Variants in KALRN observed in about 807,000 individuals in gnomAD.
KALRN encodes the protein kalirin RhoGEF kinase.
KALRN carries 70 observed loss-of-function variants against 353.7 expected under a neutral mutation model. The ratio of observed to expected loss-of-function variants is 0.20; its 90% CI spans 0.16 to 0.24. KALRN has a LOEUF of 0.24. Among genes scored for constraint, KALRN ranks in the 10% least tolerant of loss-of-function variants. The pLI is 1.00. For missense variants in KALRN, 2,791 were observed against 3,756.7 expected (o/e 0.74, Z 6.72); for synonymous variants, 1,391 against 1,434.8 (o/e 0.97, Z 0.69).
At chr3:124,674,794 G>A (rs2086964966) in intron 49 of KALRN, 180 bp downstream of exon 49, 1 of 508,560 alleles carries the variant, frequency 2.0e-6, no homozygotes, top group African/African-American at 2.0e-5. Flanking sequence ...ATCCGGGCTG[G>A]AGTGATCCAG....
intron 1 of KALRN, among the ~76,000 whole-genome samples, chr3:124,092,481 GC>G (rs2061175129): frequency 6.6e-6 from 1 of 152,208 alleles, no homozygotes; most frequent in Non-Finnish European, 1.5e-5. Flanking sequence ...AAGATGAAAA[GC>G]CCTTAGTTAA....
rs2063347588 is a variant in KALRN at position 124,721,120 on chromosome 3, T to C, written c.*1650T>C. 6.6e-6 allele frequency: 1 copy of C among 152,168 alleles called. No homozygotes were observed. The highest frequency in any genetic ancestry group is 1.5e-5 in the Non-Finnish European group (1 of 68,026). 9.4% of individuals were successfully genotyped at this position (152,168 alleles called of 1,614,324 possible). ...AAATGGTGGAAACTAAGCCTGAACTTTAACATATAAAAAACACTTATTCCC... is the reference window on the plus strand; with the variant it reads ...AAATGGTGGAAACTAAGCCTGAACTCTAACATATAAAAAACACTTATTCCC... On this transcript the variant is annotated 3_prime_UTR_variant, in exon 60 of 60. Transcript: ENST00000682506.
intron 29 of KALRN, chr3:124,488,694 C>T (rs1436788130): frequency 5.8e-6 from 1 of 172,212 alleles, no homozygotes; most frequent in African/African-American, 2.4e-5. Flanking sequence ...AGCCTGATCA[C>T]ATAAACACAC....
chr3:124,449,400 T>A lies in KALRN; in HGVS notation c.3552+2515T>A, dbSNP rs79543846. Among the ~76,000 whole-genome samples, 920 of 152,322 alleles carry A rather than the reference T, an allele frequency of 6.0e-3. 13 individuals carry two copies. In the East Asian group the frequency reaches 0.072, roughly 12 times the overall value. On this transcript the variant is annotated intron_variant, in intron 21 of 59. Coordinates refer to ENST00000682506, the MANE Select transcript of KALRN (RefSeq NM_001388419.1). The stretch of plus-strand genomic sequence containing the variant: ...AAAAAGGAAAACATCATTTTCATGT[T>A]GTGGTAGGCCTATAGACAGTCCATT...
chr3:124,213,024 A>T (rs370771046), intron 1 of KALRN, among the ~76,000 whole-genome samples: 1 of 152,000 alleles, frequency 6.6e-6, no homozygotes, highest in Non-Finnish European at 1.5e-5. Context: ...AATTTTGTTT[A>T]TAATCTGACA....
intron 51 of KALRN, among the ~76,000 whole-genome samples, chr3:124,683,165 G>T (rs1044890291): frequency 6.6e-6 from 1 of 152,076 alleles, no homozygotes; most frequent in African/African-American, 2.4e-5. Flanking sequence ...CAAACACAAG[G>T]GTACCTTAGG....
intron 3 of KALRN, 99 bp from the exon 4 acceptor site, chr3:124,264,399 C>A (rs2073262153): frequency 1.1e-6 from 1 of 940,820 alleles, no homozygotes; most frequent in Non-Finnish European, 1.6e-6. Context: ...AAGAGTGATT[C>A]TGGTCAAGGG....
chr3:124,139,029 G>A (rs938698929), intron 1 of KALRN, among the ~76,000 whole-genome samples: 1 of 152,192 alleles, frequency 6.6e-6, no homozygotes, highest in Non-Finnish European at 1.5e-5. Context: ...GGACCGGGGA[G>A]CATATGGGAG....
intron 6 of KALRN, among the ~76,000 whole-genome samples, chr3:124,307,550 A>T (rs2077824140): frequency 7.5e-6 from 1 of 133,910 alleles, no homozygotes; most frequent in South Asian, 2.9e-4. Context: ...GAATTAAGTT[A>T]ATGTACAGTA....
chr3:124,163,769 C>T (rs1024255439), intron 1 of KALRN: 7 of 985,016 alleles, frequency 7.1e-6, no homozygotes, highest in Non-Finnish European at 8.4e-6. Context: ...CTTCCAAGTT[C>T]TCTCCTTCTC....
chr3:124,686,328 G>A (rs748103635), intron 51 of KALRN, among the ~76,000 whole-genome samples: 7 of 152,134 alleles, frequency 4.6e-5, no homozygotes, highest in African/African-American at 1.2e-4. Context: ...GGTACTATTC[G>A]CGTTATTCCC....
chr3:124,443,544 C>A (rs1053614351), intron 19 of KALRN, among the ~76,000 whole-genome samples: 2 of 152,144 alleles, frequency 1.3e-5, no homozygotes, highest in Non-Finnish European at 2.9e-5. Context: ...GGTCAGGGGA[C>A]CTGTGGGGAG....
intron 1 of KALRN, among the ~76,000 whole-genome samples, chr3:124,100,826 C>T (rs1477467529): frequency 2.0e-5 from 3 of 152,176 alleles, no homozygotes; most frequent in African/African-American, 7.2e-5. Flanking sequence ...CCCCCACTTC[C>T]ACCTCCAGCC....
chr3:124,510,308 A>G (rs1331295960), intron 33 of KALRN, among the ~76,000 whole-genome samples: 2 of 152,180 alleles, frequency 1.3e-5, no homozygotes, highest in African/African-American at 2.4e-5. Context: ...TTCCAAATGG[A>G]TCAAACAGCA....
chr3:124,238,802 C>T (rs1004274321), intron 3 of KALRN, among the ~76,000 whole-genome samples: 1 of 152,170 alleles, frequency 6.6e-6, no homozygotes, highest in African/African-American at 2.4e-5. Flanking sequence ...ATTCGTTCAG[C>T]GTCCATCTTG....
At chr3:124,079,674 A>G (rs1233212787) in intron 1 of KALRN, among the ~76,000 whole-genome samples, 2 of 152,250 alleles carry the variant, frequency 1.3e-5, no homozygotes, top group African/African-American at 4.8e-5. Flanking sequence ...TTCTTCTAAT[A>G]AAACCCAACG....
intron 1 of KALRN, among the ~76,000 whole-genome samples, chr3:124,226,984 G>A (rs780894932): frequency 2.0e-5 from 3 of 152,254 alleles, no homozygotes; most frequent in Non-Finnish European, 4.4e-5. Context: ...AGCTCGAATC[G>A]CTGTAAGTGT....
At chr3:124,669,176 A>G (rs1037161916) in intron 47 of KALRN, among the ~76,000 whole-genome samples, 1 of 152,218 alleles carries the variant, frequency 6.6e-6, no homozygotes, top group Non-Finnish European at 1.5e-5. Flanking sequence ...AGAAGCAGTA[A>G]GTGATAGAAA....
chr3:124,104,693 A>G (rs964734399), intron 1 of KALRN, among the ~76,000 whole-genome samples: 2 of 152,238 alleles, frequency 1.3e-5, no homozygotes, highest in African/African-American at 4.8e-5. Flanking sequence ...GGAGAGACTC[A>G]GATGTGTAAA....
Sources: allele counts gnomAD v4.1 joint callset (sites outside exome capture counted in the v4.1 genomes callset), GRCh38; gene constraint gnomAD v4.1.1; transcripts MANE v1.5; gene names NCBI Gene and HGNC (gene_info 2026-07-23, HGNC 2026-07-21).